NF1: variants seen among roughly 807,000 people sequenced by gnomAD.
NF1 encodes neurofibromin.
A neutral mutation model predicts 325.7 loss-of-function variants in NF1; 122 were observed. The observed-to-expected ratio is 0.37, with a 90% CI of 0.32 to 0.44. NF1 has a LOEUF of 0.44. Among genes scored for constraint, NF1 ranks in the 20% least tolerant of loss-of-function variants. The pLI is 1.00. For missense variants in NF1, 2,140 were observed against 3,415.4 expected, an observed-to-expected ratio of 0.63 and a Z score of 9.31; for synonymous variants, 1,091 against 1,186.0, an observed-to-expected ratio of 0.92 and a Z score of 1.65.
chr17:31,285,595 C>G (rs2068211224), intron 36 of NF1, among the ~76,000 whole-genome samples: 1 of 152,078 alleles, frequency 6.6e-6, no homozygotes, highest in African/African-American at 2.4e-5. Flanking sequence ...CACTTGTAGT[C>G]CCAGCACTTT....
intron 36 of NF1, among the ~76,000 whole-genome samples, chr17:31,312,638 T>C (rs763964661): frequency 6.6e-6 from 1 of 152,114 alleles, no homozygotes; most frequent in African/African-American, 2.4e-5. Flanking sequence ...TTTATGACTT[T>C]ATGCATAATG....
At chr17:31,186,553 C>G (rs1043330574) in intron 8 of NF1, among the ~76,000 whole-genome samples, 2 of 152,150 alleles carry the variant, frequency 1.3e-5, no homozygotes, top group Non-Finnish European at 2.9e-5. Flanking sequence ...TTGGAAGAAG[C>G]ATGATTGGAA....
At chr17:31,244,826 A>G (rs2067363384) in intron 29 of NF1, among the ~76,000 whole-genome samples, 1 of 151,910 alleles carries the variant, frequency 6.6e-6, no homozygotes, top group Non-Finnish European at 1.5e-5. Context: ...TTTTGTATGG[A>G]TGGTTGTTCA....
chr17:31,208,036 G>C (rs182260762), intron 12 of NF1, among the ~76,000 whole-genome samples: 3 of 152,250 alleles, frequency 2.0e-5, no homozygotes, highest in African/African-American at 7.2e-5. Context: ...TTGATTGGTA[G>C]TCTAAATATG....
At chr17:31,320,497 T>C in intron 36 of NF1, 3 of 1,384,852 alleles carry the variant, frequency 2.2e-6, no homozygotes, top group Non-Finnish European at 2.0e-6. Flanking sequence ...TATATGTCAT[T>C]GGCTGACATT....
At chr17:31,166,059 T>G (rs2065839576) in intron 4 of NF1, among the ~76,000 whole-genome samples, 1 of 152,170 alleles carries the variant, frequency 6.6e-6, no homozygotes, top group African/African-American at 2.4e-5. Flanking sequence ...CTTATAGTAT[T>G]TATGTAGCGG....
chr17:31,206,152 A>T, intron 11 of NF1, 88 bp from the exon 12 acceptor site: 2 of 1,496,662 alleles, frequency 1.3e-6, no homozygotes, highest in Non-Finnish European at 1.9e-6. Context: ...CGACAAAAGG[A>T]TAAAACTTAA....
intron 36 of NF1, among the ~76,000 whole-genome samples, chr17:31,287,546 G>C (rs944301246): frequency 3.9e-5 from 4 of 103,040 alleles, no homozygotes; most frequent in African/African-American, 1.2e-4. Flanking sequence ...TCATAACTGT[G>C]TGTGTGTGTG....
intron 36 of NF1, among the ~76,000 whole-genome samples, chr17:31,266,831 C>T (rs1264253605): frequency 6.6e-6 from 1 of 151,562 alleles, no homozygotes; most frequent in Non-Finnish European, 1.5e-5. Flanking sequence ...TGCTGCAGAT[C>T]CCTTAGTGAG....
intron 36 of NF1, among the ~76,000 whole-genome samples, chr17:31,300,545 G>A (rs935358087): frequency 6.6e-6 from 1 of 152,004 alleles, no homozygotes. Flanking sequence ...TATTCAACCA[G>A]TCCCCTATTG....
chr17:31,258,401 C>T lies in NF1; in HGVS notation c.4231C>T (p.Leu1411Phe), dbSNP rs199474789. ...SIGAVGSAMFLRFINPAIVSP... is the reference protein window; with the variant it reads ...SIGAVGSAMFFRFINPAIVSP... ...CGGTGCAGTAGGAAGTGCCATGTTC[C>T]TCAGATTTATCAATCCTGCCATTGT... Residue 1411 changes from leucine (L) to phenylalanine (F), a missense_variant, in exon 32 of 58, where the codon CTC becomes TTC. Leu to Phe is a conservative substitution (Grantham distance 22, BLOSUM62 0). Coordinates refer to ENST00000358273, the MANE Select transcript of NF1 (RefSeq NM_001042492.3). The T allele has an allele frequency of 6.2e-7, 1 of 1,613,884 alleles. No homozygotes were observed. The highest frequency in any genetic ancestry group is 8.5e-7 in the Non-Finnish European group (1 of 1,179,892).
At chr17:31,367,116 C>T (rs1306494164) in intron 57 of NF1, 1 of 482,070 alleles carries the variant, frequency 2.1e-6, no homozygotes, top group Non-Finnish European at 3.2e-6. Flanking sequence ...CAGATTCCTT[C>T]TGAAAACCAA....
intron 29 of NF1, among the ~76,000 whole-genome samples, chr17:31,243,400 G>T (rs1281755602): frequency 6.6e-6 from 1 of 151,818 alleles, no homozygotes; most frequent in African/African-American, 2.4e-5. Flanking sequence ...TTTCGTTCAG[G>T]CAGTGAGTTC....
intron 7 of NF1, 73 bp downstream of exon 7, chr17:31,181,858 G>A (rs923153750): frequency 2.5e-5 from 26 of 1,042,382 alleles, no homozygotes; most frequent in Non-Finnish European, 3.2e-5. Context: ...ACCTATCATC[G>A]TTTTCCAAGT....
intron 12 of NF1, among the ~76,000 whole-genome samples, chr17:31,208,291 C>T (rs1236728337): frequency 6.6e-6 from 1 of 152,038 alleles, no homozygotes; most frequent in Non-Finnish European, 1.5e-5. Flanking sequence ...TATATTTGTA[C>T]ATAATGACTA....
chr17:31,236,752 A>G (rs553940844), intron 29 of NF1, among the ~76,000 whole-genome samples: 2 of 152,040 alleles, frequency 1.3e-5, no homozygotes, highest in East Asian at 1.9e-4. Context: ...TGCCCAGCCC[A>G]GAGTGCAGTT....
At chr17:31,323,332 GAGCCTGGGGAGGTC>G (rs2069261107) in intron 36 of NF1, among the ~76,000 whole-genome samples, 1 of 151,980 alleles carries the variant, frequency 6.6e-6, no homozygotes, top group Non-Finnish European at 1.5e-5. Flanking sequence ...AGGATCACCT[GAGCCTGGGGAGGTC>G]AAGGCTACAG....
At chr17:31,118,666 A>G (rs1007516306) in intron 1 of NF1, among the ~76,000 whole-genome samples, 3 of 152,070 alleles carry the variant, frequency 2.0e-5, no homozygotes, top group Non-Finnish European at 4.4e-5. Flanking sequence ...TGTATATACC[A>G]CATTTTCTTT....
At chr17:31,343,218 A>C in intron 48 of NF1, 83 bp downstream of exon 48, 2 of 1,349,618 alleles carry the variant, frequency 1.5e-6, no homozygotes, top group South Asian at 2.4e-5. Context: ...ACTTGAAATA[A>C]ATTGAAGTAA....
Sources: gnomAD v4.1 joint callset for allele counts (sites outside exome capture counted in the v4.1 genomes callset) on GRCh38, gnomAD v4.1.1 for gene constraint, MANE v1.5 for transcripts, NCBI Gene and HGNC (gene_info 2026-07-23, HGNC 2026-07-21) for gene names.